Variants in WASL observed in about 807,000 individuals in gnomAD.
WASL encodes the protein WASP like actin nucleation promoting factor.
WASL carries 20 observed loss-of-function variants against 55.5 expected under a neutral mutation model. That is an observed-to-expected ratio of 0.36 (90% CI 0.25 to 0.52). The LOEUF (loss-of-function observed/expected upper bound fraction) is 0.52, where lower values mean the gene tolerates loss of function less well. WASL is among the 20% of genes least tolerant of loss of function. WASL has a pLI of 0.92. For missense variants in WASL, 504 were observed against 622.5 expected (o/e 0.81, Z 2.03); for synonymous variants, 249 against 217.6 (o/e 1.14, Z -1.27).
intron 2 of WASL, among the ~76,000 whole-genome samples, chr7:123,708,336 T>C (rs750790277): frequency 9.9e-5 from 15 of 152,190 alleles, no homozygotes; most frequent in Non-Finnish European, 1.5e-4. Flanking sequence ...TCTTCACTGT[T>C]ATCTATCAGG....
At chr7:123,746,428 TTTA>T (rs1804432049) in intron 1 of WASL, among the ~76,000 whole-genome samples, 1 of 152,182 alleles carries the variant, frequency 6.6e-6, no homozygotes, top group Non-Finnish European at 1.5e-5. Context: ...TACTGCTGGA[TTTA>T]TTATGAGACA....
At chr7:123,726,204 T>C (rs1584869781) in intron 1 of WASL, among the ~76,000 whole-genome samples, 1 of 152,010 alleles carries the variant, frequency 6.6e-6, no homozygotes, top group Non-Finnish European at 1.5e-5. Context: ...CCCAAACATA[T>C]AAGGTCAATT....
intron 1 of WASL, among the ~76,000 whole-genome samples, chr7:123,740,741 A>C (rs999350053): frequency 2.0e-5 from 3 of 151,982 alleles, no homozygotes; most frequent in Admixed American, 6.6e-5. Context: ...GACTACAGAC[A>C]TGGGCCACCA....
Position 123,694,885 on chromosome 7 carries a change from C to A in WASL, c.673-17G>T. 2 of 1,590,698 alleles carry A rather than the reference C, an allele frequency of 1.3e-6. No individual in the cohort carries two copies. The highest frequency in any genetic ancestry group is 1.7e-6 in the Non-Finnish European group (2 of 1,173,228). The stretch of plus-strand genomic sequence containing the variant: ...ATTATTCAGCTACAAAAGAAAGTAA[C>A]TGCTAACTATAAAAATATATCCCAA... On this transcript the variant is annotated splice_polypyrimidine_tract_variant and intron_variant, in intron 7 of 10. Transcript: ENST00000223023.
At chr7:123,710,805 C>T (rs1803742426) in intron 1 of WASL, among the ~76,000 whole-genome samples, 1 of 152,070 alleles carries the variant, frequency 6.6e-6, no homozygotes, top group African/African-American at 2.4e-5. Flanking sequence ...CACTTTTTGG[C>T]CTGCTCAAAA....
chr7:123,713,871 A>G (rs878960377), intron 1 of WASL, among the ~76,000 whole-genome samples: 2 of 152,200 alleles, frequency 1.3e-5, no homozygotes, highest in Non-Finnish European at 2.9e-5. Flanking sequence ...GTGGATTGAA[A>G]AATACAGTTA....
intron 10 of WASL, among the ~76,000 whole-genome samples, chr7:123,686,839 A>C (rs187971347): frequency 1.6e-4 from 24 of 152,214 alleles, no homozygotes; most frequent in African/African-American, 5.5e-4. Flanking sequence ...AATTTAGGTA[A>C]TTTTCACTGT....
At chr7:123,708,309 C>T (rs1021742516) in intron 2 of WASL, among the ~76,000 whole-genome samples, 1 of 152,056 alleles carries the variant, frequency 6.6e-6, no homozygotes, top group Non-Finnish European at 1.5e-5. Flanking sequence ...AAAGCTGAGA[C>T]CAGAGGTGTA....
At chr7:123,735,820 G>C (rs1477370920) in intron 1 of WASL, among the ~76,000 whole-genome samples, 1 of 152,024 alleles carries the variant, frequency 6.6e-6, no homozygotes, top group Non-Finnish European at 1.5e-5. Flanking sequence ...GTGAGGTATG[G>C]GACAACTTCA....
intron 9 of WASL, 35 bp downstream of exon 9, chr7:123,692,312 A>G (rs1188162505): frequency 7.0e-6 from 11 of 1,573,540 alleles, no homozygotes; most frequent in Non-Finnish European, 9.4e-6. Context: ...ATTATGATAA[A>G]GGATCTAAAA....
chr7:123,745,078 A>G (rs1004185019), intron 1 of WASL, among the ~76,000 whole-genome samples: 1 of 152,192 alleles, frequency 6.6e-6, no homozygotes, highest in Non-Finnish European at 1.5e-5. Flanking sequence ...AGCGAATGAG[A>G]ATAAAAATAT....
intron 1 of WASL, among the ~76,000 whole-genome samples, chr7:123,733,509 T>A (rs968596167): frequency 3.9e-5 from 6 of 152,136 alleles, no homozygotes; most frequent in Admixed American, 1.3e-4. Context: ...ACAAGAGGTA[T>A]TTCAGGTTCA....
In WASL at chr7:123,695,829, G is replaced by C. The variant is rs746257897; in HGVS notation, c.666C>G (p.Gly222=). The C allele has an allele frequency of 1.9e-6, 3 of 1,612,418 alleles. No individual in the cohort carries two copies. The highest frequency in any genetic ancestry group is 8.5e-7 in the Non-Finnish European group (1 of 1,178,968). Residue 222 remains glycine, a synonymous_variant, in exon 7 of 11, where the codon GGC becomes GGG. Transcript: ENST00000223023. ...IGHVGWDPNT[G]FDLNNLDPEL... The stretch of plus-strand genomic sequence containing the variant: ...GATTTGAAAACATACTTACATCAAA[G>C]CCTGTATTTGGATCCCAACCAACAT...
At position 123,748,661 on chromosome 7, in the gene WASL, T is replaced by C. The variant is rs1376996365; in HGVS notation, c.74A>G (p.Gln25Arg). The change falls in exon 1 of 11, where the codon CAG becomes CGG. Residue 25 changes from glutamine (Q) to arginine (R), a missense_variant. Physicochemically the swap from Gln to Arg is conservative, Grantham distance 43. Around this residue, in one of 5 missense-constraint regions of WASL, gnomAD observed 230 missense variants for 271.9 expected, o/e 0.85. Transcript: ENST00000223023. ...GAAAGTGAAGAGGGACTCGTTCTCCTGCGGGGTGAGCAACAGGGACCCCAC... is the reference window on the plus strand; with the variant it reads ...GAAAGTGAAGAGGGACTCGTTCTCCCGCGGGGTGAGCAACAGGGACCCCAC... ...TNVGSLLLTP[Q>R]ENESLFTFLG... is the part of the protein sequence containing the mutation. 1 of 1,613,172 alleles carries C rather than the reference T, an allele frequency of 6.2e-7. No individual in the cohort carries two copies. The highest frequency in any genetic ancestry group is 1.1e-5 in the South Asian group (1 of 91,004).
rs544519498 is a variant in WASL, at chr7:123,702,205, G to A, written c.460+2429C>T. Among the ~76,000 whole-genome samples, 4 of 152,056 alleles carry A rather than the reference G, an allele frequency of 2.6e-5. No individual in the cohort carries two copies. In the South Asian group the frequency reaches 6.2e-4, roughly 24 times the overall value. On this transcript the variant is annotated intron_variant, in intron 5 of 10. Transcript: ENST00000223023. The stretch of plus-strand genomic sequence containing the variant: ...CGAGTAGCTGGGATTACAGACATGC[G>A]CCACCATGCCCAGCTAATTTTTGTA...
At chr7:123,720,405 T>C (rs1409688713) in intron 1 of WASL, 3 of 432,166 alleles carry the variant, frequency 6.9e-6, no homozygotes, top group African/African-American at 2.1e-5. Flanking sequence ...TACACTGTTA[T>C]CTGAATAAAA....
At position 123,748,691 on chromosome 7, in the gene WASL, G is replaced by A. The variant is rs369157737; in HGVS notation, c.44C>T (p.Thr15Ile). The A allele has an allele frequency of 1.9e-5, 30 of 1,611,090 alleles. No individual in the cohort carries two copies. The African/African-American group carries it at 3.2e-4, about 17-fold the overall frequency. Residue 15 changes from threonine (T) to isoleucine (I), a missense_variant, in exon 1 of 11, where the codon ACC becomes ATC. Thr to Ile is a moderately conservative substitution (Grantham distance 89, BLOSUM62 -1). Coordinates refer to ENST00000223023, the MANE Select transcript of WASL (RefSeq NM_003941.4). ...GGTGAGCAACAGGGACCCCACGTTG[G>A]TGACCCTCCGCGGCGGCGGCGGCTG... is the stretch of plus-strand genomic sequence containing the variant. ...QQQPPPPRRV[T>I]NVGSLLLTPQ...
intron 1 of WASL, among the ~76,000 whole-genome samples, chr7:123,724,932 TG>T (rs930384722): frequency 6.6e-6 from 1 of 151,842 alleles, no homozygotes; most frequent in Admixed American, 6.6e-5. Flanking sequence ...GGTGAGAGTT[TG>T]GGGGCAAAAA....
At chr7:123,718,250 C>T (rs1042775680) in intron 1 of WASL, among the ~76,000 whole-genome samples, 1 of 151,962 alleles carries the variant, frequency 6.6e-6, no homozygotes, top group Admixed American at 6.6e-5. Flanking sequence ...TAATGAGAGC[C>T]GCTCCCAATT....
Sources: gnomAD v4.1 joint callset for allele counts (sites outside exome capture counted in the v4.1 genomes callset) on GRCh38, gnomAD v4.1.1 for gene constraint, gnomAD v4.1.1 regional missense constraint, MANE v1.5 for transcripts, NCBI Gene and HGNC (gene_info 2026-07-23, HGNC 2026-07-21) for gene names.